RAB23: variants seen among roughly 807,000 people sequenced by gnomAD.
RAB23 encodes RAB23, member RAS oncogene family, also known as ras-related protein Rab-23.
A neutral mutation model predicts 30.0 loss-of-function variants in RAB23; 15 were observed. The observed-to-expected ratio is 0.50, with a 90% CI of 0.33 to 0.77. RAB23 has a LOEUF of 0.77. Ranked by LOEUF, RAB23 falls within the 30% of genes least tolerant of loss-of-function variation. The pLI, the probability that RAB23 is intolerant of heterozygous loss-of-function variation, is 0.02. For synonymous variants in RAB23, 93 were observed against 94.0 expected, an observed-to-expected ratio of 0.99 and a Z score of 0.06; for missense variants, 243 against 275.4, an observed-to-expected ratio of 0.88 and a Z score of 0.83.
rs972778015 is a variant in RAB23 at position 57,222,299 on chromosome 6, G to C, written c.-639C>G. The C allele has an allele frequency of 1.3e-5, 2 of 152,260 alleles. No individual in the cohort carries two copies. Among genetic ancestry groups the C allele is most frequent in the Non-Finnish European group, 2.9e-5 (2 of 68,078 alleles). The allele number at this position is 152,260 out of a possible 1,614,324, so 9.4% of individuals were successfully genotyped here. A position where few individuals can be genotyped will look rare whatever the true frequency, so the allele number is the denominator to read the frequency against. ...CCCTCATCTGTGGACCCGCCGCGCT[G>C]CGGAGCATGCGCCGTGCTTCGTCTG... On this transcript the variant is annotated 5_prime_UTR_variant, in exon 1 of 7. Coordinates refer to ENST00000468148, the MANE Select transcript of RAB23 (RefSeq NM_016277.5).
intron 2 of RAB23, among the ~76,000 whole-genome samples, chr6:57,209,789 G>T (rs931625825): frequency 2.0e-5 from 3 of 152,232 alleles, no homozygotes; most frequent in Non-Finnish European, 4.4e-5. Flanking sequence ...TATTTCTTTA[G>T]AGTAAAGCAA....
Position 57,210,364 on chromosome 6 carries a change from A to T in RAB23, c.17T>A (p.Met6Lys), listed in dbSNP as rs757383592. The T allele has an allele frequency of 6.2e-7, 1 of 1,614,010 alleles. No homozygotes were observed. Among genetic ancestry groups the T allele is most frequent in the Non-Finnish European group, 8.5e-7 (1 of 1,180,002 alleles). The change falls in exon 2 of 7, where the codon ATG (methionine) becomes AAG (lysine). Residue 6 changes from methionine to lysine, a missense_variant. Physicochemically the swap from Met to Lys is moderately conservative, Grantham distance 95. Transcript: ENST00000468148. MLEED[M>K]EVAIKMVVVG... ...AACCACCATCTTTATGGCGACTTCC[A>T]TATCTTCCTCCAACATTTTTGGAGC...
rs997468832 is a variant in RAB23, at chr6:57,187,417, G to A, written c.*3044C>T. 1 of 152,100 alleles carries A rather than the reference G, an allele frequency of 6.6e-6. No individual in the cohort carries two copies. Among genetic ancestry groups the A allele is most frequent in the Non-Finnish European group, 1.5e-5 (1 of 68,008 alleles). The allele number at this position is 152,100 out of a possible 1,614,324, so 9.4% of individuals were successfully genotyped here. On this transcript the variant is annotated 3_prime_UTR_variant, in exon 7 of 7. Coordinates refer to ENST00000468148, the MANE Select transcript of RAB23 (RefSeq NM_016277.5). The stretch of plus-strand genomic sequence containing the variant: ...CATGTTTTATAGCTGAAAACCTAAG[G>A]AGTGACAATAGTACATGTGACATTC...
At chr6:57,191,413 T>C (rs148473967) in intron 6 of RAB23, among the ~76,000 whole-genome samples, 60 of 152,350 alleles carry the variant, frequency 3.9e-4, no homozygotes, top group Middle Eastern at 3.4e-3. Flanking sequence ...ACTTAACAAT[T>C]TATCTTTGAC....
At chr6:57,198,679 T>TAA (rs200709921) in intron 3 of RAB23, among the ~76,000 whole-genome samples, 1 of 138,776 alleles carries the variant, frequency 7.2e-6, no homozygotes. Flanking sequence ...AGACTCTGTC[T>TAA]AAAAAAAAAA....
chr6:57,213,925 C>T (rs577192911), intron 1 of RAB23, among the ~76,000 whole-genome samples: 30 of 152,144 alleles, frequency 2.0e-4, no homozygotes, highest in African/African-American at 7.0e-4. Context: ...TATTGATGCA[C>T]CCCAACTCCC....
rs1344128674 is a variant in RAB23, at chr6:57,188,282, T to A, written c.*2179A>T. The A allele has an allele frequency of 6.6e-6, 1 of 152,032 alleles. No homozygotes were observed. Among genetic ancestry groups the A allele is most frequent in the Non-Finnish European group, 1.5e-5 (1 of 67,994 alleles). The allele number at this position is 152,032 out of a possible 1,614,324, so 9.4% of individuals were successfully genotyped here. On this transcript the variant is annotated 3_prime_UTR_variant, in exon 7 of 7. Coordinates refer to ENST00000468148, the MANE Select transcript of RAB23 (RefSeq NM_016277.5). ...GGCCTACTTAATTATTTTAAATGAC[T>A]AATTATGGTTAGGTTTAAAATACAG...
intron 3 of RAB23, among the ~76,000 whole-genome samples, chr6:57,197,641 A>G (rs1356764747): frequency 1.3e-5 from 2 of 152,268 alleles, no homozygotes; most frequent in Non-Finnish European, 1.5e-5. Flanking sequence ...GGAATACTGT[A>G]GAAAGCAAAA....
In RAB23 at chr6:57,217,297, G is replaced by T. The variant is rs568344010; in HGVS notation, c.-66+4429C>A. On this transcript the variant is annotated intron_variant, in intron 1 of 6. Coordinates refer to ENST00000468148, the MANE Select transcript of RAB23 (RefSeq NM_016277.5). ...CACAGCTAAATTAGTGCTGAAATGG[G>T]AAAATATATTTTATTTTATTGTTAT... is the stretch of plus-strand genomic sequence containing the variant. Among the ~76,000 whole-genome samples the T allele has an allele frequency of 1.2e-4, 18 of 152,116 alleles. No homozygotes were observed. The South Asian group carries it at 3.7e-3, about 32-fold the overall frequency.
chr6:57,194,826 C>A lies in RAB23; in HGVS notation c.425G>T (p.Arg142Met). The A allele has an allele frequency of 5.0e-6, 8 of 1,613,190 alleles. No homozygotes were observed. Among genetic ancestry groups the A allele is most frequent in the Non-Finnish European group, 6.8e-6 (8 of 1,179,544 alleles). The change falls in exon 5 of 7, where the codon AGG becomes ATG. Residue 142 changes from arginine (R) to methionine (M), a missense_variant. Arg to Met is a moderately conservative substitution (Grantham distance 91). Coordinates refer to ENST00000468148, the MANE Select transcript of RAB23 (RefSeq NM_016277.5). Reference sequence around the variant, plus strand: ...TGTTCTGTAGAATCTTAACTTTAACCTTTTTGCCAGTGCCTCAGCTTCCTC... The same window carrying A: ...TGTTCTGTAGAATCTTAACTTTAACATTTTTGCCAGTGCCTCAGCTTCCTC... Reference protein sequence around the residue: ...KNEEAEALAKRLKLRFYRTSV... With the variant: ...KNEEAEALAKMLKLRFYRTSV...
intron 6 of RAB23, 100 bp from the exon 7 acceptor site, chr6:57,190,700 C>A: frequency 4.1e-6 from 6 of 1,465,672 alleles, no homozygotes; most frequent in Non-Finnish European, 5.7e-6. Flanking sequence ...CAAGTATTTA[C>A]AGTTTCTCTA....
intron 1 of RAB23, among the ~76,000 whole-genome samples, chr6:57,214,464 G>A (rs1159810591): frequency 6.6e-6 from 1 of 152,088 alleles, no homozygotes; most frequent in African/African-American, 2.4e-5. Flanking sequence ...CACCACGCCT[G>A]GCTAGTTTTT....
At chr6:57,207,544 T>C (rs970696351) in intron 3 of RAB23, 84 bp downstream of exon 3, 34 of 929,532 alleles carry the variant, frequency 3.7e-5, no homozygotes, top group South Asian at 5.4e-5. Context: ...GAAGCCCTTA[T>C]ACGGGAAACA....
At chr6:57,216,736 G>A (rs1040766232) in intron 1 of RAB23, among the ~76,000 whole-genome samples, 1 of 151,990 alleles carries the variant, frequency 6.6e-6, no homozygotes, top group African/African-American at 2.4e-5. Context: ...TACAAGGGGT[G>A]GATTATTCTT....
chr6:57,210,040 A>T (rs1765593326), intron 2 of RAB23, among the ~76,000 whole-genome samples, 186 bp downstream of exon 2: 1 of 149,266 alleles, frequency 6.7e-6, no homozygotes, highest in African/African-American at 2.6e-5. Flanking sequence ...GAAAGAAGGG[A>T]AGAGATGAAA....
chr6:57,209,986 A>G (rs1036528451), intron 2 of RAB23, among the ~76,000 whole-genome samples: 5 of 152,078 alleles, frequency 3.3e-5, no homozygotes, highest in Admixed American at 2.6e-4. Flanking sequence ...TAAAACAGCT[A>G]TGAGACAGAA....
intron 1 of RAB23, among the ~76,000 whole-genome samples, chr6:57,219,811 G>C (rs987076400): frequency 1.3e-5 from 2 of 152,134 alleles, no homozygotes; most frequent in Non-Finnish European, 2.9e-5. Context: ...ATGGATCACA[G>C]ATCTAAATGG....
intron 1 of RAB23, among the ~76,000 whole-genome samples, chr6:57,217,509 A>G (rs1422417036): frequency 1.3e-5 from 2 of 152,060 alleles, no homozygotes; most frequent in African/African-American, 4.8e-5. Context: ...GGACTTCACC[A>G]TGTTGGCCAG....
intron 1 of RAB23, among the ~76,000 whole-genome samples, chr6:57,211,763 T>C (rs369485760): frequency 2.6e-5 from 4 of 152,382 alleles, no homozygotes; most frequent in Non-Finnish European, 4.4e-5. Context: ...AGCAATAGAA[T>C]GGGCACTTTG....
Sources: gnomAD v4.1 joint callset for allele counts (sites outside exome capture counted in the v4.1 genomes callset) on GRCh38, gnomAD v4.1.1 for gene constraint, MANE v1.5 for transcripts, NCBI Gene and HGNC (gene_info 2026-07-23, HGNC 2026-07-21) for gene names.